ATP9B: variants seen among roughly 807,000 people sequenced by gnomAD.
The protein encoded by ATP9B is ATPase phospholipid transporting 9B.
ATP9B carries 110 observed loss-of-function variants against 146.1 expected under a neutral mutation model. The ratio of observed to expected loss-of-function variants is 0.75; its 90% CI spans 0.65 to 0.88. The LOEUF (loss-of-function observed/expected upper bound fraction) is 0.88, where lower values mean the gene tolerates loss of function less well. Ranked by LOEUF, ATP9B falls within the 40% of genes least tolerant of loss-of-function variation. The pLI, the probability that ATP9B is intolerant of heterozygous loss-of-function variation, is 0.00. For synonymous variants in ATP9B, 604 were observed against 569.7 expected (o/e 1.06, Z -0.86); for missense variants, 1,499 against 1,496.4 (o/e 1.00, Z -0.03).
At chr18:79,112,796 G>A (rs968717882) in intron 3 of ATP9B, among the ~76,000 whole-genome samples, 5 of 151,544 alleles carry the variant, frequency 3.3e-5, no homozygotes, top group African/African-American at 1.2e-4. Context: ...TAAATATAAG[G>A]TTAATATGAC....
At chr18:79,348,504 C>A (rs1377846952) in intron 25 of ATP9B, among the ~76,000 whole-genome samples, 1 of 152,232 alleles carries the variant, frequency 6.6e-6, no homozygotes, top group African/African-American at 2.4e-5. Flanking sequence ...GCAGAGTGGC[C>A]ACTGACAGGC....
At chr18:79,078,306 C>T (rs534376242) in intron 1 of ATP9B, 5 of 152,272 alleles carry the variant, frequency 3.3e-5, no homozygotes, top group African/African-American at 1.2e-4. Flanking sequence ...GTGTCTATTA[C>T]TTTTCTGGTT....
At chr18:79,329,612 T>A (rs1395044403) in intron 16 of ATP9B, among the ~76,000 whole-genome samples, 1 of 151,790 alleles carries the variant, frequency 6.6e-6, no homozygotes, top group East Asian at 1.9e-4. Flanking sequence ...GCCAAAGAGT[T>A]TGACTTTTGT....
At chr18:79,368,340 G>A (rs2097047933) in intron 26 of ATP9B, among the ~76,000 whole-genome samples, 1 of 152,234 alleles carries the variant, frequency 6.6e-6, no homozygotes, top group Non-Finnish European at 1.5e-5. Flanking sequence ...GCGGTGAGCT[G>A]TGATCGCACC....
chr18:79,277,315 C>T, intron 13 of ATP9B, 119 bp downstream of exon 13: 2 of 1,262,158 alleles, frequency 1.6e-6, no homozygotes, highest in East Asian at 2.5e-5. Context: ...TGGAACAGAT[C>T]ATTGAATCCA....
intron 1 of ATP9B, among the ~76,000 whole-genome samples, chr18:79,092,383 G>T (rs2074398384): frequency 6.6e-6 from 1 of 152,084 alleles, no homozygotes; most frequent in African/African-American, 2.4e-5. Context: ...GTGTATCTAA[G>T]CATACTGAAC....
intron 16 of ATP9B, 67 bp from the exon 17 acceptor site, chr18:79,329,945 A>G (rs1443244300): frequency 5.1e-6 from 7 of 1,367,840 alleles, no homozygotes; most frequent in Non-Finnish European, 7.3e-6. Context: ...GTTTTATTAG[A>G]CTAGCAGTTA....
intron 9 of ATP9B, among the ~76,000 whole-genome samples, chr18:79,198,701 T>C (rs1325042845): frequency 1.3e-5 from 2 of 152,118 alleles, no homozygotes; most frequent in African/African-American, 4.8e-5. Flanking sequence ...TATCTAACCA[T>C]AGAAAAGGTA....
intron 5 of ATP9B, among the ~76,000 whole-genome samples, chr18:79,129,478 T>C (rs1380279598): frequency 1.3e-5 from 2 of 152,202 alleles, no homozygotes; most frequent in African/African-American, 4.8e-5. Context: ...GGACAGGTTT[T>C]GTTTGGGTTT....
At chr18:79,112,579 C>T (rs949167388) in intron 3 of ATP9B, among the ~76,000 whole-genome samples, 2 of 152,014 alleles carry the variant, frequency 1.3e-5, no homozygotes, top group Non-Finnish European at 2.9e-5. Context: ...TAGCTGTCTT[C>T]TTGAAAACTG....
At chr18:79,350,121 G>C (rs2096914665) in intron 25 of ATP9B, among the ~76,000 whole-genome samples, 1 of 152,234 alleles carries the variant, frequency 6.6e-6, no homozygotes, top group Non-Finnish European at 1.5e-5. Flanking sequence ...CAGCTGAGCT[G>C]TGGGGCTCAC....
chr18:79,241,868 C>T (rs2095892303), intron 11 of ATP9B, among the ~76,000 whole-genome samples: 1 of 152,166 alleles, frequency 6.6e-6, no homozygotes, highest in African/African-American at 2.4e-5. Context: ...GTTGATGGCT[C>T]CCAGTGACCC....
chr18:79,359,708 C>A, intron 26 of ATP9B: 1 of 467,152 alleles, frequency 2.1e-6, no homozygotes, highest in East Asian at 3.9e-5. Context: ...GCTCTAATAT[C>A]ATACATACAA....
chr18:79,091,542 A>G (rs1432547536), intron 1 of ATP9B, among the ~76,000 whole-genome samples: 2 of 152,138 alleles, frequency 1.3e-5, no homozygotes, highest in African/African-American at 4.8e-5. Flanking sequence ...ATGTGTGGCT[A>G]TTGTAAATGG....
At chr18:79,100,016 G>GC (rs1168111092) in intron 2 of ATP9B, among the ~76,000 whole-genome samples, 1 of 152,030 alleles carries the variant, frequency 6.6e-6, no homozygotes, top group Admixed American at 6.5e-5. Context: ...CCCCAGCTAT[G>GC]CGGGAGGCTG....
At chr18:79,252,231 C>G (rs1300434657) in intron 11 of ATP9B, among the ~76,000 whole-genome samples, 1 of 152,228 alleles carries the variant, frequency 6.6e-6, no homozygotes, top group Non-Finnish European at 1.5e-5. Flanking sequence ...GCTCCCTCTT[C>G]GCATCCCCTG....
At chr18:79,368,813 C>A (rs1180414660) in intron 26 of ATP9B, among the ~76,000 whole-genome samples, 1 of 151,952 alleles carries the variant, frequency 6.6e-6, no homozygotes, top group Non-Finnish European at 1.5e-5. Flanking sequence ...CATACTCCGT[C>A]GTTGGCACCC....
At chr18:79,071,397 TC>T (rs1568352664) in intron 1 of ATP9B, among the ~76,000 whole-genome samples, 1 of 88,166 alleles carries the variant, frequency 1.1e-5, no homozygotes, top group Admixed American at 1.3e-4. Flanking sequence ...CTATTGTTCT[TC>T]CTTTTTTTTT....
intron 13 of ATP9B, among the ~76,000 whole-genome samples, chr18:79,291,869 A>C (rs1328573263): frequency 6.6e-6 from 1 of 152,184 alleles, no homozygotes; most frequent in East Asian, 1.9e-4. Flanking sequence ...TCATCACCCT[A>C]AAAAGCAACC....
Sources: allele counts gnomAD v4.1 joint callset (sites outside exome capture counted in the v4.1 genomes callset), GRCh38; gene constraint gnomAD v4.1.1; transcripts MANE v1.5; gene names NCBI Gene and HGNC (gene_info 2026-07-23, HGNC 2026-07-21).